Variants in ZZZ3 observed in about 807,000 individuals in gnomAD.
ZZZ3 encodes the protein ZZ-type zinc finger-containing protein 3.
In ZZZ3, 22 loss-of-function variants were observed where a neutral mutation model predicts 95.2. That is an observed-to-expected ratio of 0.23 (90% CI 0.17 to 0.33). The LOEUF is 0.33. Ranked by LOEUF, ZZZ3 falls within the 10% of genes least tolerant of loss-of-function variation. The pLI, the probability that ZZZ3 is intolerant of heterozygous loss-of-function variation, is 1.00. For missense variants in ZZZ3, 885 were observed against 1,066.5 expected (o/e 0.83, Z 2.37); for synonymous variants, 335 against 358.9 (o/e 0.93, Z 0.75).
At chr1:77,582,705 C>T (rs1033659457) in intron 6 of ZZZ3, among the ~76,000 whole-genome samples, 24 of 150,036 alleles carry the variant, frequency 1.6e-4, no homozygotes, top group Non-Finnish European at 2.8e-4. Flanking sequence ...CACTGATAAC[C>T]TCATGGTTAT....
In ZZZ3 at chr1:77,632,435, G is replaced by C. The variant is rs1380393203; in HGVS notation, c.920C>G (p.Thr307Ser). ...CTCAGAATCCCTTAAAGATGACTGAGTTTCAGAAAAGGGCCCTGTAGCTGG... is the reference window on the plus strand; with the variant it reads ...CTCAGAATCCCTTAAAGATGACTGACTTTCAGAAAAGGGCCCTGTAGCTGG... ...TEPATGPFSE[T>S]QSSLRDSEEE... Residue 307 changes from threonine to serine, a missense_variant, in exon 5 of 15, where the codon ACT becomes AGT. Thr to Ser is a moderately conservative substitution (Grantham distance 58). Around this residue, in one of 5 missense-constraint regions of ZZZ3, gnomAD observed 556 missense variants for 652.9 expected, o/e 0.85. Transcript: ENST00000370801. 4 of 1,613,992 alleles carry C rather than the reference G, an allele frequency of 2.5e-6. No individual in the cohort carries two copies. The African/African-American group carries it at 5.3e-5, about 22-fold the overall frequency.
intron 5 of ZZZ3, among the ~76,000 whole-genome samples, chr1:77,616,152 C>T (rs1262452213): frequency 1.3e-5 from 2 of 152,094 alleles, no homozygotes. Flanking sequence ...CCCCCTCAAT[C>T]GTTGATTTTT....
chr1:77,678,559 G>A (rs953909269), intron 1 of ZZZ3, among the ~76,000 whole-genome samples: 8 of 152,300 alleles, frequency 5.3e-5, no homozygotes, highest in Non-Finnish European at 8.8e-5. Flanking sequence ...GCTGCTCTAC[G>A]ATACTGTCAT....
At position 77,639,554 on chromosome 1, in the gene ZZZ3, G is replaced by T; in HGVS notation, c.-157C>A. The T allele has an allele frequency of 3.7e-6, 4 of 1,088,820 alleles. No individual in the cohort carries two copies. The highest frequency in any genetic ancestry group is 4.3e-5 in the South Asian group (2 of 46,584). The allele number at this position is 1,088,820 out of a possible 1,614,324, so 67.4% of individuals were successfully genotyped here. A position where few individuals can be genotyped will look rare whatever the true frequency, so the allele number is the denominator to read the frequency against. On this transcript the variant is annotated 5_prime_UTR_variant, in exon 4 of 15. The change creates a new upstream start codon in the 5' untranslated region. Transcript: ENST00000370801. ...ATGGAGCTTAAGCATCAGGGTTTCAGACTCTCTCAGCTTCAGCCATGAAGA... is the reference window on the plus strand; with the variant it reads ...ATGGAGCTTAAGCATCAGGGTTTCATACTCTCTCAGCTTCAGCCATGAAGA...
At position 77,632,232 on chromosome 1, in the gene ZZZ3, G is replaced by C. The variant is rs776531392; in HGVS notation, c.1123C>G (p.Arg375Gly). ...MMSLSEPQEH[R>G]YTLRTSPRRA... The stretch of plus-strand genomic sequence containing the variant: ...CGTGGTGAGGTTCTCAGAGTATAAC[G>C]ATGTTCTTGAGGTTCTGATAAAGAC... The change falls in exon 5 of 15, where the codon CGT (arginine) becomes GGT (glycine). Residue 375 changes from arginine to glycine, a missense_variant. By Grantham distance (125) the Arg-to-Gly change is moderately radical. Around this residue, in one of 5 missense-constraint regions of ZZZ3, gnomAD observed 556 missense variants for 652.9 expected, o/e 0.85. Transcript: ENST00000370801. The C allele has an allele frequency of 6.2e-7, 1 of 1,613,816 alleles. No individual in the cohort carries two copies. The highest frequency in any genetic ancestry group is 8.5e-7 in the Non-Finnish European group (1 of 1,179,994).
chr1:77,620,342 T>C (rs1666725272), intron 5 of ZZZ3, among the ~76,000 whole-genome samples: 1 of 152,120 alleles, frequency 6.6e-6, no homozygotes, highest in African/African-American at 2.4e-5. Flanking sequence ...GATTTTATTC[T>C]AAGACATTTA....
In ZZZ3 at chr1:77,565,501, A is replaced by C. The variant is rs1397587686; in HGVS notation, c.*139T>G. On this transcript the variant is annotated 3_prime_UTR_variant, in exon 15 of 15. Transcript: ENST00000370801. The stretch of plus-strand genomic sequence containing the variant: ...CCACAACGGTGCAGAGCTGTACTTG[A>C]CGAGAACACTCAGGAAGCTCTCATG... 1.2e-6 allele frequency: 1 copy of C among 845,074 alleles called. No individual in the cohort carries two copies. Among genetic ancestry groups the C allele is most frequent in the Non-Finnish European group, 1.8e-6 (1 of 546,634 alleles). 52.3% of individuals were successfully genotyped at this position (845,074 alleles called of 1,614,324 possible).
rs71588899 is a variant in ZZZ3, at chr1:77,562,803, CACTCCTA to C, written c.*2830_*2836del. ...ATGTAAGGCAACATCTGCACACCTC[CACTCCTA>C]ACACCTAGTGTTGCCTGACACAAGG... On this transcript the variant is annotated 3_prime_UTR_variant, in exon 15 of 15. Transcript: ENST00000370801. The C allele has an allele frequency of 0.018, 2,769 of 152,586 alleles. 45 individuals carry two copies. Among genetic ancestry groups the C allele is most frequent in the Non-Finnish European group, 0.029 (1,998 of 68,054 alleles). The allele number at this position is 152,586 out of a possible 1,614,324, so 9.5% of individuals were successfully genotyped here.
intron 5 of ZZZ3, among the ~76,000 whole-genome samples, chr1:77,610,431 A>G (rs1665676114): frequency 6.6e-6 from 1 of 152,098 alleles, no homozygotes; most frequent in Admixed American, 6.5e-5. Flanking sequence ...ATACCAAAAA[A>G]TAGAGGAGGA....
At chr1:77,592,071 G>A (rs1663758360) in intron 5 of ZZZ3, among the ~76,000 whole-genome samples, 1 of 151,980 alleles carries the variant, frequency 6.6e-6, no homozygotes, top group African/African-American at 2.4e-5. Flanking sequence ...AAGGAGAGTT[G>A]CCTTGGGACT....
rs1667895302 is a variant in ZZZ3, at chr1:77,632,453, G to A, written c.902C>T (p.Thr301Ile). Residue 301 changes from threonine (T) to isoleucine (I), a missense_variant, in exon 5 of 15, where the codon ACA (threonine) becomes ATA (isoleucine). Around this residue, in one of 5 missense-constraint regions of ZZZ3, gnomAD observed 556 missense variants for 652.9 expected, o/e 0.85. Coordinates refer to ENST00000370801, the MANE Select transcript of ZZZ3 (RefSeq NM_015534.6). The stretch of plus-strand genomic sequence containing the variant: ...TGACTGAGTTTCAGAAAAGGGCCCT[G>A]TAGCTGGCTCAGTAGTCAGCTGATT... ...HVNQLTTEPA[T>I]GPFSETQSSL... The A allele has an allele frequency of 6.2e-7, 1 of 1,614,146 alleles. No individual in the cohort carries two copies. The highest frequency in any genetic ancestry group is 8.5e-7 in the Non-Finnish European group (1 of 1,180,024).
At chr1:77,621,025 A>G (rs762372660) in intron 5 of ZZZ3, among the ~76,000 whole-genome samples, 22 of 152,252 alleles carry the variant, frequency 1.4e-4, no homozygotes, top group Non-Finnish European at 2.2e-4. Context: ...TTAGCATCAT[A>G]CTGCCAGCGA....
At position 77,637,776 on chromosome 1, in the gene ZZZ3, GC is replaced by G. The variant is rs550558132; in HGVS notation, c.-52+1672del. On this transcript the variant is annotated intron_variant, in intron 4 of 14. Coordinates refer to ENST00000370801, the MANE Select transcript of ZZZ3 (RefSeq NM_015534.6). ...TTGTTTTCCTCATTTTAGCTGCATT[GC>G]AAAATGTTTCTTAAGAATACAATAA... Among the ~76,000 whole-genome samples, 5 of 152,244 alleles carry G rather than the reference GC, an allele frequency of 3.3e-5. No individual in the cohort carries two copies. The South Asian group carries it at 1.0e-3, about 32-fold the overall frequency.
intron 4 of ZZZ3, among the ~76,000 whole-genome samples, chr1:77,634,443 C>G (rs190636787): frequency 6.6e-6 from 1 of 152,140 alleles, no homozygotes; most frequent in East Asian, 1.9e-4. Context: ...CTTGCATTGG[C>G]TAAGAACAAA....
At chr1:77,666,116 C>T (rs1570652405) in intron 1 of ZZZ3, among the ~76,000 whole-genome samples, 1 of 152,360 alleles carries the variant, frequency 6.6e-6, no homozygotes, top group East Asian at 1.9e-4. Flanking sequence ...AAAACTAAAA[C>T]AGTATATCAA....
chr1:77,654,070 C>A (rs1407150498), intron 1 of ZZZ3, among the ~76,000 whole-genome samples: 1 of 151,516 alleles, frequency 6.6e-6, no homozygotes, highest in Non-Finnish European at 1.5e-5. Context: ...CGCCTGTAGT[C>A]CCAGCTACTT....
At chr1:77,679,620 G>C (rs972730315) in intron 1 of ZZZ3, among the ~76,000 whole-genome samples, 4 of 152,132 alleles carry the variant, frequency 2.6e-5, no homozygotes, top group African/African-American at 9.7e-5. Context: ...TGTGGAAATT[G>C]GCATGGTGTC....
chr1:77,588,415 A>T (rs1663321979), intron 5 of ZZZ3, among the ~76,000 whole-genome samples: 1 of 152,144 alleles, frequency 6.6e-6, no homozygotes, highest in African/African-American at 2.4e-5. Flanking sequence ...CCTCCACTAG[A>T]ATACCACTTC....
At chr1:77,620,434 GAA>G (rs1475614481) in intron 5 of ZZZ3, among the ~76,000 whole-genome samples, 4 of 151,210 alleles carry the variant, frequency 2.6e-5, no homozygotes, top group Admixed American at 2.6e-4. Context: ...AAGTAATCCA[GAA>G]AAGAGATGAC....
Sources: gnomAD v4.1 joint callset for allele counts (sites outside exome capture counted in the v4.1 genomes callset) on GRCh38, gnomAD v4.1.1 for gene constraint, gnomAD v4.1.1 regional missense constraint, MANE v1.5 for transcripts, NCBI Gene and HGNC (gene_info 2026-07-23, HGNC 2026-07-21) for gene names.